THEMIS: variants seen among roughly 807,000 people sequenced by gnomAD.
THEMIS encodes the protein thymocyte selection associated.
In THEMIS, 37 loss-of-function variants were observed where a neutral mutation model predicts 52.6. The ratio of observed to expected loss-of-function variants is 0.70; its 90% CI spans 0.54 to 0.93. THEMIS has a LOEUF of 0.93. THEMIS is among the 40% of genes least tolerant of loss of function. THEMIS has a pLI of 0.00. For missense variants in THEMIS, 808 were observed against 763.1 expected, an observed-to-expected ratio of 1.06 and a Z score of -0.69; for synonymous variants, 292 against 272.7, an observed-to-expected ratio of 1.07 and a Z score of -0.70.
intron 4 of THEMIS, among the ~76,000 whole-genome samples, chr6:127,804,578 T>C (rs1176206031): frequency 6.6e-6 from 1 of 152,134 alleles, no homozygotes; most frequent in Non-Finnish European, 1.5e-5. Context: ...CTTTGGATAT[T>C]TTATTATTGA....
At chr6:127,748,944 C>T (rs1051635524) in intron 4 of THEMIS, among the ~76,000 whole-genome samples, 1 of 152,140 alleles carries the variant, frequency 6.6e-6, no homozygotes, top group South Asian at 2.1e-4. Flanking sequence ...CCATTCTGAA[C>T]TTTTATTGAT....
chr6:127,811,235 A>C (rs542157866), intron 4 of THEMIS, among the ~76,000 whole-genome samples: 2 of 152,156 alleles, frequency 1.3e-5, no homozygotes, highest in Non-Finnish European at 2.9e-5. Flanking sequence ...AATAATACAA[A>C]TTTATTATTT....
intron 4 of THEMIS, among the ~76,000 whole-genome samples, chr6:127,720,026 A>G (rs1774310152): frequency 1.3e-5 from 2 of 151,988 alleles, no homozygotes; most frequent in Admixed American, 6.6e-5. Context: ...AGTAACTAGA[A>G]TAAGAAGTCA....
At chr6:127,700,245 C>T in the THEMIS span, among the ~76,000 whole-genome samples, 1 of 151,708 alleles carries the variant, frequency 6.6e-6, no homozygotes, top group South Asian at 2.1e-4. Flanking sequence ...AGCCTATGAG[C>T]ACTATAAATA....
At chr6:127,809,066 T>C (rs1777815162) in intron 4 of THEMIS, among the ~76,000 whole-genome samples, 1 of 152,228 alleles carries the variant, frequency 6.6e-6, no homozygotes, top group African/African-American at 2.4e-5. Flanking sequence ...AGTAAATTCA[T>C]ATAATGAAGC....
chr6:127,724,178 T>C (rs1179314577), intron 4 of THEMIS, among the ~76,000 whole-genome samples: 1 of 152,114 alleles, frequency 6.6e-6, no homozygotes, highest in Non-Finnish European at 1.5e-5. Context: ...TACTTTGTTT[T>C]ATCCATAAAA....
At chr6:127,747,963 T>A (rs972214854) in intron 4 of THEMIS, among the ~76,000 whole-genome samples, 1 of 152,088 alleles carries the variant, frequency 6.6e-6, no homozygotes, top group Non-Finnish European at 1.5e-5. Flanking sequence ...AGAATAAACT[T>A]CCAAGGAAAC....
chr6:127,803,053 A>G (rs2114568861), intron 4 of THEMIS, among the ~76,000 whole-genome samples: 1 of 152,288 alleles, frequency 6.6e-6, no homozygotes, highest in South Asian at 2.1e-4. Context: ...CATACATCCT[A>G]CACCTACCAT....
At chr6:127,715,743 C>A (rs1012810153) in intron 5 of THEMIS, among the ~76,000 whole-genome samples, 2 of 151,808 alleles carry the variant, frequency 1.3e-5, no homozygotes, top group Non-Finnish European at 2.9e-5. Context: ...GGATCTTAGA[C>A]AGGGTGAATC....
At chr6:127,724,549 T>C (rs912148712) in intron 4 of THEMIS, among the ~76,000 whole-genome samples, 1 of 152,108 alleles carries the variant, frequency 6.6e-6, no homozygotes, top group Non-Finnish European at 1.5e-5. Flanking sequence ...AAATTTGAAC[T>C]GCCATGCATC....
intron 4 of THEMIS, among the ~76,000 whole-genome samples, chr6:127,735,309 G>T (rs1477300502): frequency 6.7e-6 from 1 of 149,228 alleles, no homozygotes; most frequent in African/African-American, 2.5e-5. Context: ...ACAAATAGGG[G>T]CGTGTGTGCG....
chr6:127,745,361 A>G (rs191913180), intron 4 of THEMIS, among the ~76,000 whole-genome samples: 6 of 151,924 alleles, frequency 3.9e-5, no homozygotes, highest in Admixed American at 3.3e-4. Flanking sequence ...ATAATGCAGA[A>G]TAGGGAAATT....
intron 4 of THEMIS, among the ~76,000 whole-genome samples, chr6:127,787,215 T>G (rs1776979715): frequency 6.6e-6 from 1 of 152,112 alleles, no homozygotes; most frequent in Non-Finnish European, 1.5e-5. Flanking sequence ...ATTCTAAATT[T>G]TCCCAACTTT....
intron 4 of THEMIS, among the ~76,000 whole-genome samples, chr6:127,730,277 TAAAGAA>T (rs1774721997): frequency 1.8e-5 from 1 of 54,672 alleles, no homozygotes; most frequent in South Asian, 3.5e-4. Flanking sequence ...CTATAGGAAA[TAAAGAA>T]AAGAAAAGAA....
At chr6:127,852,593 G>A (rs1367755236) in intron 2 of THEMIS, among the ~76,000 whole-genome samples, 1 of 151,498 alleles carries the variant, frequency 6.6e-6, no homozygotes, top group Non-Finnish European at 1.5e-5. Context: ...ATTTACAAAT[G>A]AGGAAGAATG....
intron 4 of THEMIS, among the ~76,000 whole-genome samples, chr6:127,742,313 T>TA (rs778252716): frequency 0.34 from 41,234 of 120,824 alleles, 6,997 homozygotes; most frequent in Middle Eastern, 0.39. Flanking sequence ...AGACTCTGCT[T>TA]AAAAAAAAAA....
At chr6:127,871,706 C>T (rs527808499) in intron 1 of THEMIS, among the ~76,000 whole-genome samples, 2 of 152,090 alleles carry the variant, frequency 1.3e-5, no homozygotes, top group African/African-American at 2.4e-5. Context: ...AAACCAGTTC[C>T]TCCAAAAGAG....
At chr6:127,775,260 C>G (rs1344273588) in intron 4 of THEMIS, among the ~76,000 whole-genome samples, 3 of 152,184 alleles carry the variant, frequency 2.0e-5, no homozygotes, top group Non-Finnish European at 2.9e-5. Context: ...ATGTTTTGAG[C>G]AGTGTCTGTT....
chr6:127,799,553 A>ATCTT (rs748513282), intron 4 of THEMIS, among the ~76,000 whole-genome samples: 10,816 of 144,396 alleles, frequency 0.075, 466 homozygotes, highest in African/African-American at 0.1. Flanking sequence ...CTTTCTTTCT[A>ATCTT]TCTTTCTTTC....
Sources: gnomAD v4.1 joint callset for allele counts (sites outside exome capture counted in the v4.1 genomes callset) on GRCh38, gnomAD v4.1.1 for gene constraint, MANE v1.5 for transcripts, NCBI Gene and HGNC (gene_info 2026-07-23, HGNC 2026-07-21) for gene names.